ARMC3: variants seen among roughly 807,000 people sequenced by gnomAD.
The protein encoded by ARMC3 is armadillo repeat-containing protein 3.
Under a neutral mutation model 90.3 loss-of-function variants are expected in ARMC3, and 74 were observed. The ratio of observed to expected loss-of-function variants is 0.82; its 90% CI spans 0.68 to 0.99. The LOEUF is 0.99. ARMC3 is among the 50% of genes least tolerant of loss of function. The probability of loss-of-function intolerance (pLI) is 0.00; values close to 1 mark genes in which losing one functional copy is unlikely to be tolerated. For missense variants in ARMC3, 958 were observed against 1,042.8 expected, an observed-to-expected ratio of 0.92 and a Z score of 1.12; for synonymous variants, 334 against 361.8, an observed-to-expected ratio of 0.92 and a Z score of 0.87.
At chr10:22,963,918 CACACAAAAAAAAA>C (rs1835325692) in intron 7 of ARMC3, among the ~76,000 whole-genome samples, 1 of 51,762 alleles carries the variant, frequency 1.9e-5, no homozygotes, top group Admixed American at 2.3e-4. Context: ...CACACACACA[CACACAAAAAAAAA>C]AAAAAAAAAA....
At chr10:23,017,989 C>T (rs1452036298) in intron 16 of ARMC3, among the ~76,000 whole-genome samples, 2 of 152,174 alleles carry the variant, frequency 1.3e-5, no homozygotes, top group East Asian at 1.9e-4. Flanking sequence ...CCTCAGAAAG[C>T]AGGCTAATGT....
intron 18 of ARMC3, 35 bp from the exon 19 acceptor site, chr10:23,037,235 A>G (rs1554789401): frequency 6.6e-7 from 1 of 1,518,338 alleles, no homozygotes; most frequent in South Asian, 1.3e-5. Flanking sequence ...CCTCTCCCGC[A>G]CCACCCTTGG....
At chr10:23,016,171 T>C (rs914096174) in intron 16 of ARMC3, among the ~76,000 whole-genome samples, 2 of 152,204 alleles carry the variant, frequency 1.3e-5, no homozygotes, top group African/African-American at 2.4e-5. Flanking sequence ...TTATCACTCA[T>C]GTGGAATTTA....
At chr10:23,013,773 C>T (rs1450247966) in intron 16 of ARMC3, among the ~76,000 whole-genome samples, 2 of 152,176 alleles carry the variant, frequency 1.3e-5, no homozygotes, top group Non-Finnish European at 2.9e-5. Context: ...TGGATTCTAT[C>T]TCTTCCATAG....
At chr10:22,939,848 C>G (rs1377909165) in intron 2 of ARMC3, among the ~76,000 whole-genome samples, 1 of 152,038 alleles carries the variant, frequency 6.6e-6, no homozygotes, top group Admixed American at 6.6e-5. Flanking sequence ...ACCCAATCAA[C>G]TGAAAAAAGG....
chr10:23,008,200 T>A, intron 14 of ARMC3, 76 bp from the exon 15 acceptor site: 1 of 737,928 alleles, frequency 1.4e-6, no homozygotes, highest in Non-Finnish European at 2.1e-6. Context: ...CAGAAAAAAA[T>A]CTGTTTCGTG....
At chr10:22,966,897 A>T (rs1440359201) in intron 7 of ARMC3, among the ~76,000 whole-genome samples, 1 of 151,246 alleles carries the variant, frequency 6.6e-6, no homozygotes, top group African/African-American at 2.4e-5. Context: ...CCCTCCCTTG[A>T]CACGTGGGGA....
rs765894329 is a variant in ARMC3 at position 22,961,959 on chromosome 10, C to G, written c.613C>G (p.Pro205Ala). Residue 205 changes from proline (P) to alanine (A), a missense_variant, in exon 7 of 19, where the codon CCA (proline) becomes GCA (alanine). Pro to Ala is a conservative substitution (Grantham distance 27). Coordinates refer to ENST00000298032, the MANE Select transcript of ARMC3 (RefSeq NM_173081.5). ...CTTAGATCTCTTGAAGTCAGAATAT[C>G]CAGTGATTCAGTTGTTGGCTCTCAA... ...PILDLLKSEY[P>A]VIQLLALKTL... 1.9e-5 allele frequency: 30 copies of G among 1,612,502 alleles called. No homozygotes were observed. The highest frequency in any genetic ancestry group is 2.5e-5 in the Non-Finnish European group (30 of 1,179,286).
In ARMC3 at chr10:22,946,228, G is replaced by A. The variant is rs754765906; in HGVS notation, c.133G>A (p.Ala45Thr). Residue 45 changes from alanine to threonine, a missense_variant, in exon 3 of 19, where the codon GCA becomes ACA. Physicochemically the swap from Ala to Thr is moderately conservative, Grantham distance 58. Coordinates refer to ENST00000298032, the MANE Select transcript of ARMC3 (RefSeq NM_173081.5). The stretch of plus-strand genomic sequence containing the variant: ...TCCAGAAGAGGAAATTTTGGCTAAA[G>A]CATGTGAAGCCATTTATAAATTTGC... ...NSPEEEILAK[A>T]CEAIYKFALK... 2 of 1,610,836 alleles carry A rather than the reference G, an allele frequency of 1.2e-6. No homozygotes were observed. The highest frequency in any genetic ancestry group is 1.7e-6 in the Non-Finnish European group (2 of 1,178,164).
At chr10:23,013,151 G>T (rs1321453935) in intron 16 of ARMC3, among the ~76,000 whole-genome samples, 1 of 151,824 alleles carries the variant, frequency 6.6e-6, no homozygotes, top group Non-Finnish European at 1.5e-5. Context: ...TGCCTGCCTC[G>T]GCCTCCCAAA....
intron 10 of ARMC3, among the ~76,000 whole-genome samples, chr10:22,989,596 A>G (rs931828444): frequency 6.6e-6 from 1 of 152,196 alleles, no homozygotes; most frequent in Non-Finnish European, 1.5e-5. Flanking sequence ...ATAAGTTTTT[A>G]GGAGGTTTTG....
At chr10:22,943,793 C>T (rs1389960460) in intron 2 of ARMC3, among the ~76,000 whole-genome samples, 1 of 151,974 alleles carries the variant, frequency 6.6e-6, no homozygotes, top group African/African-American at 2.4e-5. Flanking sequence ...ATTAGCCAGG[C>T]ATGGTGGTGG....
intron 16 of ARMC3, among the ~76,000 whole-genome samples, chr10:23,024,393 C>CAGATAG (rs1554787800): frequency 1.4e-3 from 191 of 133,540 alleles, no homozygotes; most frequent in African/African-American, 4.6e-3. Context: ...AGGAATGCCA[C>CAGATAG]ATAGATAGAT....
intron 16 of ARMC3, chr10:23,014,235 T>C: frequency 6.6e-7 from 1 of 1,519,136 alleles, no homozygotes. Context: ...AAAATGATGA[T>C]CCCTGCCTCA....
Position 22,981,354 on chromosome 10 carries a change from C to A in ARMC3, c.931C>A (p.Leu311Ile), listed in dbSNP as rs990850069. The A allele has an allele frequency of 1.3e-6, 2 of 1,593,934 alleles. No individual in the cohort carries two copies. The highest frequency in any genetic ancestry group is 2.7e-5 in the African/African-American group (2 of 73,494). ...KAAYDPENRK[L>I]FHEQEVEKCL... is the part of the protein sequence containing the mutation. ...GTGTATGAAAGCTGAAAATAGAAAA[C>A]TTTTTCATGAACAAGAGGTTGAAAA... The change falls in exon 9 of 19, where the codon CTT (leucine) becomes ATT (isoleucine). Residue 311 changes from leucine to isoleucine, a missense_variant. Transcript: ENST00000298032.
At chr10:23,027,534 A>T (rs967750985) in intron 16 of ARMC3, among the ~76,000 whole-genome samples, 3 of 152,118 alleles carry the variant, frequency 2.0e-5, no homozygotes, top group Non-Finnish European at 2.9e-5. Context: ...TTTTTGGAGA[A>T]TTCCTTGGGA....
intron 10 of ARMC3, among the ~76,000 whole-genome samples, chr10:22,983,733 C>T (rs1474207922): frequency 6.6e-6 from 1 of 152,090 alleles, no homozygotes; most frequent in Non-Finnish European, 1.5e-5. Flanking sequence ...ACTGAGGTTG[C>T]AAAAGATTCT....
At chr10:23,014,953 C>T (rs1838210809) in intron 16 of ARMC3, among the ~76,000 whole-genome samples, 1 of 147,654 alleles carries the variant, frequency 6.8e-6, no homozygotes, top group African/African-American at 2.5e-5. Context: ...GCACATATAC[C>T]CCTGAACTTA....
At chr10:22,929,326 G>C (rs1261670154) in intron 1 of ARMC3, among the ~76,000 whole-genome samples, 1 of 132,986 alleles carries the variant, frequency 7.5e-6, no homozygotes, top group Non-Finnish European at 1.6e-5. Flanking sequence ...GAAAGGAAAG[G>C]AAAGGAAAGG....
Sources: allele counts gnomAD v4.1 joint callset (sites outside exome capture counted in the v4.1 genomes callset), GRCh38; gene constraint gnomAD v4.1.1; transcripts MANE v1.5; gene names NCBI Gene and HGNC (gene_info 2026-07-23, HGNC 2026-07-21).